The following SLC17A6 variants were observed in gnomAD, a reference collection of about 807,000 sequenced individuals.
SLC17A6 encodes the protein vesicular glutamate transporter 2.
Under a neutral mutation model 67.1 loss-of-function variants are expected in SLC17A6, and 35 were observed. The ratio of observed to expected loss-of-function variants is 0.52; its 90% confidence interval spans 0.40 to 0.69. SLC17A6 has a LOEUF of 0.69. SLC17A6 is among the 30% of genes least tolerant of loss of function. The pLI is 0.00. For missense variants in SLC17A6, 588 were observed against 723.9 expected (o/e 0.81, Z 2.15); for synonymous variants, 285 against 252.3 (o/e 1.13, Z -1.23).
chr11:22,362,878 G>T, intron 6 of SLC17A6, 53 bp downstream of exon 6: 2 of 1,372,750 alleles, frequency 1.5e-6, no homozygotes, highest in Middle Eastern at 1.8e-4. Context: ...TAGGCTAAAA[G>T]AAAATGGTTG....
intron 3 of SLC17A6, among the ~76,000 whole-genome samples, chr11:22,359,082 T>C (rs916338942): frequency 3.3e-5 from 5 of 152,196 alleles, no homozygotes; most frequent in African/African-American, 4.8e-5. Flanking sequence ...GCAGTTTACA[T>C]TGTAGAATGA....
intron 3 of SLC17A6, among the ~76,000 whole-genome samples, chr11:22,357,619 A>G (rs1217097665): frequency 6.6e-6 from 1 of 152,248 alleles, no homozygotes; most frequent in East Asian, 1.9e-4. Flanking sequence ...GGTAATATTC[A>G]TCTCTCACCA....
chr11:22,340,305 G>A (rs534337301), intron 1 of SLC17A6, among the ~76,000 whole-genome samples: 1 of 152,192 alleles, frequency 6.6e-6, no homozygotes, highest in South Asian at 2.1e-4. Context: ...AATCGCAAGG[G>A]GCTACGTACA....
intron 7 of SLC17A6, 35 bp downstream of exon 7, chr11:22,365,724 A>C (rs1463286304): frequency 6.3e-7 from 1 of 1,583,814 alleles, no homozygotes; most frequent in East Asian, 2.3e-5. Context: ...TTCCTATCTT[A>C]TTCCCATCTC....
intron 7 of SLC17A6, among the ~76,000 whole-genome samples, chr11:22,366,568 A>C (rs1274687516): frequency 6.6e-6 from 1 of 152,190 alleles, no homozygotes; most frequent in Non-Finnish European, 1.5e-5. Context: ...TTTTCTGATG[A>C]TTTGATTTCT....
intron 1 of SLC17A6, among the ~76,000 whole-genome samples, chr11:22,340,967 G>A (rs1272743756): frequency 6.6e-6 from 1 of 152,182 alleles, no homozygotes; most frequent in Non-Finnish European, 1.5e-5. Context: ...CGGAATACCA[G>A]CATCGTCAAC....
intron 6 of SLC17A6, 132 bp from the exon 7 acceptor site, chr11:22,365,415 G>A (rs990568040): frequency 2.4e-5 from 25 of 1,051,874 alleles, no homozygotes; most frequent in South Asian, 1.1e-4. Flanking sequence ...GATGGCTAAC[G>A]TCAGTTGGAG....
chr11:22,350,816 G>C (rs1057079246), intron 3 of SLC17A6, among the ~76,000 whole-genome samples: 3 of 152,126 alleles, frequency 2.0e-5, no homozygotes, highest in East Asian at 3.9e-4. Flanking sequence ...TTACTATTTA[G>C]AACTTCAATT....
rs1351433174 is a variant in SLC17A6, at chr11:22,379,431, A to G, written c.*1691A>G. 2 of 152,600 alleles carry G rather than the reference A, an allele frequency of 1.3e-5. No individual in the cohort carries two copies. Among genetic ancestry groups the G allele is most frequent in the African/African-American group, 2.4e-5 (1 of 41,448 alleles). The allele number at this position is 152,600 out of a possible 1,614,324, so 9.5% of individuals were successfully genotyped here. A position where few individuals can be genotyped will look rare whatever the true frequency, so the allele number is the denominator to read the frequency against. ...TCACAGCTTTTGTTGTGTTGAATGA[A>G]AATATGTGGACTGTCATTTTGTTGC... On this transcript the variant is annotated 3_prime_UTR_variant, in exon 12 of 12. Transcript: ENST00000263160.
In SLC17A6 at chr11:22,362,826, G is replaced by GT; in HGVS notation, c.748+2dup. 6.2e-7 allele frequency: 1 copy of GT among 1,612,028 alleles called. No homozygotes were observed. The highest frequency in any genetic ancestry group is 8.5e-7 in the Non-Finnish European group (1 of 1,178,242). On this transcript the variant is annotated splice_donor_variant, in intron 6 of 11. Coordinates refer to ENST00000263160, the MANE Select transcript of SLC17A6 (RefSeq NM_020346.3). LOFTEE classifies it high-confidence loss of function. ...TGGTCTTCAGTGTTTTATGTCTACGGTATGTTATATTTCTATGCAATAGAG... is the reference window on the plus strand; with the variant it reads ...TGGTCTTCAGTGTTTTATGTCTACGGTTATGTTATATTTCTATGCAATAGAG...
At chr11:22,354,826 T>C (rs1411521881) in intron 3 of SLC17A6, among the ~76,000 whole-genome samples, 7 of 152,222 alleles carry the variant, frequency 4.6e-5, no homozygotes, top group African/African-American at 1.7e-4. Flanking sequence ...AAGAGCTTTC[T>C]AATATTGTTG....
At chr11:22,358,581 C>T (rs77334927) in intron 3 of SLC17A6, among the ~76,000 whole-genome samples, 1,815 of 152,274 alleles carry the variant, frequency 0.012, 13 homozygotes, top group Non-Finnish European at 0.02. Flanking sequence ...CCGCTCGCCT[C>T]GGCCTCCCGA....
intron 3 of SLC17A6, among the ~76,000 whole-genome samples, chr11:22,358,669 G>C (rs1856016910): frequency 2.0e-5 from 3 of 152,044 alleles, no homozygotes; most frequent in African/African-American, 7.2e-5. Context: ...CGAAGGAATG[G>C]AATTTTTACT....
intron 3 of SLC17A6, among the ~76,000 whole-genome samples, chr11:22,344,864 C>G (rs1354848391): frequency 6.6e-6 from 1 of 151,744 alleles, no homozygotes; most frequent in Non-Finnish European, 1.5e-5. Context: ...TTTTAGATCC[C>G]CAATATATAT....
intron 4 of SLC17A6, among the ~76,000 whole-genome samples, chr11:22,360,531 C>G (rs191934388): frequency 1.9e-4 from 26 of 138,924 alleles, no homozygotes; most frequent in African/African-American, 6.0e-4. Flanking sequence ...CTCCTTCCCC[C>G]CCCCCCAAAA....
chr11:22,340,283 A>G (rs1387534887), intron 1 of SLC17A6, among the ~76,000 whole-genome samples: 2 of 152,254 alleles, frequency 1.3e-5, no homozygotes, highest in Non-Finnish European at 2.9e-5. Flanking sequence ...TTGTTTAAAT[A>G]TCGAAAGTAT....
chr11:22,359,294 C>G (rs1234794377), intron 3 of SLC17A6, 119 bp from the exon 4 acceptor site: 1 of 521,702 alleles, frequency 1.9e-6, no homozygotes, highest in African/African-American at 2.0e-5. Flanking sequence ...AACAATCTAC[C>G]TTAAAATTAT....
intron 6 of SLC17A6, among the ~76,000 whole-genome samples, chr11:22,363,690 T>C (rs368652584): frequency 2.0e-5 from 3 of 152,192 alleles, no homozygotes; most frequent in African/African-American, 4.8e-5. Flanking sequence ...TCACTTATCA[T>C]AGGGACTCTT....
chr11:22,354,026 G>A (rs1002957903), intron 3 of SLC17A6, among the ~76,000 whole-genome samples: 1 of 152,090 alleles, frequency 6.6e-6, no homozygotes, highest in African/African-American at 2.4e-5. Flanking sequence ...ACAAGGCCTA[G>A]GTTTATATCA....
Sources: gnomAD v4.1 joint callset for allele counts (sites outside exome capture counted in the v4.1 genomes callset) on GRCh38, gnomAD v4.1.1 for gene constraint, MANE v1.5 for transcripts, NCBI Gene and HGNC (gene_info 2026-07-23, HGNC 2026-07-21) for gene names.